The following PRKN variants were observed in gnomAD, a reference collection of about 807,000 sequenced individuals.
The protein encoded by PRKN is E3 ubiquitin-protein ligase parkin.
A neutral mutation model predicts 59.5 loss-of-function variants in PRKN; 56 were observed. That is an observed-to-expected ratio of 0.94 (90% CI 0.76 to 1.18). The LOEUF is 1.18. PRKN is among the 50% of genes most tolerant of loss of function. The pLI is 0.00. For missense variants in PRKN, 657 were observed against 596.4 expected (o/e 1.10, Z -1.06); for synonymous variants, 250 against 222.1 (o/e 1.13, Z -1.12).
intron 7 of PRKN, among the ~76,000 whole-genome samples, chr6:161,598,588 A>G (rs1224470885): frequency 6.6e-6 from 1 of 152,234 alleles, no homozygotes; most frequent in African/African-American, 2.4e-5. Flanking sequence ...TCTATATTAT[A>G]TGAATTTTGT....
intron 7 of PRKN, among the ~76,000 whole-genome samples, chr6:161,707,514 T>C (rs1386823131): frequency 6.6e-6 from 1 of 152,190 alleles, no homozygotes; most frequent in Admixed American, 6.5e-5. Flanking sequence ...ATGCTCTACA[T>C]CAAAGTGTTA....
intron 7 of PRKN, among the ~76,000 whole-genome samples, chr6:161,702,565 G>T (rs534478942): frequency 3.4e-4 from 52 of 152,184 alleles, no homozygotes; most frequent in African/African-American, 1.2e-3. Flanking sequence ...GGGAATTGGT[G>T]TCTAATGGGT....
intron 2 of PRKN, among the ~76,000 whole-genome samples, chr6:162,344,489 T>C (rs1487370119): frequency 3.3e-5 from 5 of 151,762 alleles, no homozygotes; most frequent in Non-Finnish European, 7.4e-5. Context: ...TGCCAAGGGG[T>C]GTTACGTGCT....
chr6:162,253,101 T>C (rs1779503023), intron 3 of PRKN, among the ~76,000 whole-genome samples: 1 of 152,194 alleles, frequency 6.6e-6, no homozygotes, highest in African/African-American at 2.4e-5. Flanking sequence ...AAATTAACTA[T>C]GTTAAGAGAG....
intron 7 of PRKN, among the ~76,000 whole-genome samples, chr6:161,620,966 T>A (rs1782874712): frequency 6.6e-6 from 1 of 152,170 alleles, no homozygotes; most frequent in African/African-American, 2.4e-5. Context: ...ATAATTCCGA[T>A]GACTATCCAG....
chr6:162,182,444 G>A (rs747699218), intron 4 of PRKN, among the ~76,000 whole-genome samples: 4 of 152,194 alleles, frequency 2.6e-5, no homozygotes, highest in Admixed American at 6.5e-5. Context: ...GCTGAAGCCT[G>A]TCTATGGAAC....
chr6:161,840,249 T>C (rs1241276937), intron 6 of PRKN, among the ~76,000 whole-genome samples: 1 of 152,218 alleles, frequency 6.6e-6, no homozygotes, highest in Non-Finnish European at 1.5e-5. Flanking sequence ...GCTCTGCAGA[T>C]GGCATCTGGG....
rs1186668383 is a variant in PRKN at position 161,547,269 on chromosome 6, A to C, written c.1083+1585T>G. Among the ~76,000 whole-genome samples the C allele has an allele frequency of 6.6e-6, 1 of 152,198 alleles. No individual in the cohort carries two copies. The highest frequency in any genetic ancestry group is 1.5e-5 in the Non-Finnish European group (1 of 68,048). ...AGGACAAAGAAACCTTGAGAACATA[A>C]CTATCCTCCTTTAAGTAAAGTTGCC... On this transcript the variant is annotated intron_variant, in intron 9 of 11. Coordinates refer to ENST00000366898, the MANE Select transcript of PRKN (RefSeq NM_004562.3). The surrounding 1 kb of genome is among the most constrained non-coding windows in gnomAD (Gnocchi z 4.0).
intron 6 of PRKN, among the ~76,000 whole-genome samples, chr6:161,959,190 A>C (rs1780290997): frequency 6.6e-6 from 1 of 152,186 alleles, no homozygotes. Context: ...AGAGAGAAGT[A>C]CCACCCAGAT....
chr6:161,735,712 C>A (rs928962455), intron 7 of PRKN, among the ~76,000 whole-genome samples: 1 of 151,790 alleles, frequency 6.6e-6, no homozygotes, highest in Non-Finnish European at 1.5e-5. Context: ...GTCAGGAATT[C>A]GAGACCAGTC....
At chr6:162,395,581 C>T (rs2128146829) in intron 2 of PRKN, among the ~76,000 whole-genome samples, 1 of 152,296 alleles carries the variant, frequency 6.6e-6, no homozygotes, top group Non-Finnish European at 1.5e-5. Flanking sequence ...CCTACGCAAA[C>T]CATGAAAGAT....
chr6:162,025,395 C>A (rs1407961990), intron 5 of PRKN, among the ~76,000 whole-genome samples: 1 of 152,010 alleles, frequency 6.6e-6, no homozygotes, highest in Non-Finnish European at 1.5e-5. Context: ...CTTTTGTTTT[C>A]TTCCTTCCTG....
intron 2 of PRKN, among the ~76,000 whole-genome samples, chr6:162,331,499 T>C (rs1419475973): frequency 1.3e-5 from 2 of 152,206 alleles, no homozygotes; most frequent in South Asian, 2.1e-4. Context: ...TATGAAAACA[T>C]TTTTACAGCT....
chr6:162,239,709 C>A (rs896933977), intron 3 of PRKN, among the ~76,000 whole-genome samples: 2 of 152,202 alleles, frequency 1.3e-5, no homozygotes, highest in East Asian at 3.9e-4. Context: ...CATTCCCAGG[C>A]ATTACAGTGC....
At chr6:161,541,802 C>G (rs1779624616) in intron 9 of PRKN, among the ~76,000 whole-genome samples, 1 of 150,966 alleles carries the variant, frequency 6.6e-6, no homozygotes, top group Admixed American at 6.6e-5. Context: ...GCCTGGGTGA[C>G]AGAGCGAGAC....
At chr6:162,480,976 TTG>T (rs112268739) in intron 1 of PRKN, among the ~76,000 whole-genome samples, 21,362 of 149,638 alleles carry the variant, frequency 0.14, 1,682 homozygotes, top group Non-Finnish European at 0.17. Flanking sequence ...CAGCTAATTT[TTG>T]TGTGTGTGTG....
intron 7 of PRKN, among the ~76,000 whole-genome samples, chr6:161,649,145 C>A (rs958111115): frequency 3.9e-5 from 6 of 152,156 alleles, no homozygotes; most frequent in African/African-American, 1.2e-4. Context: ...GTTGAAAAGA[C>A]AGTGAGACAA....
rs1313930904 is a variant in PRKN, at chr6:161,379,783, TC to T, written c.1167+7010del. ...TGGCAACTGCACGGCAGTTCAGCCTTCCTTCAAACTGCTTCATGCGATTCCC... is the reference window on the plus strand; with the variant it reads ...TGGCAACTGCACGGCAGTTCAGCCTTCTTCAAACTGCTTCATGCGATTCCC... On this transcript the variant is annotated intron_variant, in intron 10 of 11. Transcript: ENST00000366898. The surrounding 1 kb of genome is among the most constrained non-coding windows in gnomAD (Gnocchi z 4.9). Among the ~76,000 whole-genome samples, 1 of 152,230 alleles carries T rather than the reference TC, an allele frequency of 6.6e-6. No homozygotes were observed.
chr6:162,640,430 G>A (rs1257119080), intron 1 of PRKN, among the ~76,000 whole-genome samples: 2 of 152,114 alleles, frequency 1.3e-5, no homozygotes, highest in African/African-American at 2.4e-5. Context: ...GGATGAGTGA[G>A]AATGAGATAC....
Sources: gnomAD v4.1 joint callset for allele counts (sites outside exome capture counted in the v4.1 genomes callset) on GRCh38, gnomAD v4.1.1 for gene constraint, Gnocchi (gnomAD v3.1) non-coding constraint, MANE v1.5 for transcripts, NCBI Gene and HGNC (gene_info 2026-07-23, HGNC 2026-07-21) for gene names.